Variants in CSMD3 observed in about 807,000 individuals in gnomAD.
CSMD3 encodes CUB and sushi domain-containing protein 3.
CSMD3 carries 177 observed loss-of-function variants against 435.2 expected under a neutral mutation model. That is an observed-to-expected ratio of 0.41 (90% CI 0.36 to 0.46). The LOEUF is 0.46. Among genes scored for constraint, CSMD3 ranks in the 20% least tolerant of loss-of-function variants. The pLI, the probability that CSMD3 is intolerant of heterozygous loss-of-function variation, is 0.34. For synonymous variants in CSMD3, 1,656 were observed against 1,520.5 expected, an observed-to-expected ratio of 1.09 and a Z score of -2.07; for missense variants, 4,265 against 4,504.6, an observed-to-expected ratio of 0.95 and a Z score of 1.52.
chr8:112,695,048 G>A (rs1451533591), intron 13 of CSMD3, among the ~76,000 whole-genome samples: 1 of 152,092 alleles, frequency 6.6e-6, no homozygotes, highest in African/African-American at 2.4e-5. Flanking sequence ...TCCTAGCCAA[G>A]GGAAGCTGTG....
At position 112,223,176 on chromosome 8, in the gene CSMD3, A is replaced by G; in HGVS notation, c.*1595T>C. On this transcript the variant is annotated 3_prime_UTR_variant, in exon 71 of 71. Transcript: ENST00000297405. ...TAAACAAGAATAAATAACTGATGGC[A>G]TAAAATTTAAAACTGCATCCTGCCA... 1 of 396,690 alleles carries G rather than the reference A, an allele frequency of 2.5e-6. No homozygotes were observed. Among genetic ancestry groups the G allele is most frequent in the Non-Finnish European group, 4.5e-6 (1 of 224,532 alleles). 24.6% of individuals were successfully genotyped at this position (396,690 alleles called of 1,614,324 possible).
At position 112,472,762 on chromosome 8, in the gene CSMD3, A is replaced by C. The variant is rs1223192563; in HGVS notation, c.5279-55T>G. The C allele has an allele frequency of 3.3e-6, 3 of 913,990 alleles. No individual in the cohort carries two copies. The Admixed American group carries it at 5.1e-5, about 16-fold the overall frequency. 56.6% of individuals were successfully genotyped at this position (913,990 alleles called of 1,614,324 possible). A position where few individuals can be genotyped will look rare whatever the true frequency, so the allele number is the denominator to read the frequency against. Reference sequence around the variant, plus strand: ...TAGAAAAAAGTTTTAAAAAATTCATACCATGGTTATCTTCTTCATATAAAA... The same window carrying C: ...TAGAAAAAAGTTTTAAAAAATTCATCCCATGGTTATCTTCTTCATATAAAA... On this transcript the variant is annotated intron_variant, in intron 31 of 70. Coordinates refer to ENST00000297405, the MANE Select transcript of CSMD3 (RefSeq NM_198123.2).
chr8:113,234,289 G>A (rs190625851), intron 3 of CSMD3, among the ~76,000 whole-genome samples: 3 of 151,948 alleles, frequency 2.0e-5, no homozygotes, highest in Admixed American at 1.3e-4. Context: ...CACTGGCATC[G>A]AATCTTTCCA....
At chr8:112,533,561 G>A (rs374838349) in intron 27 of CSMD3, among the ~76,000 whole-genome samples, 4 of 151,800 alleles carry the variant, frequency 2.6e-5, no homozygotes, top group Admixed American at 2.0e-4. Flanking sequence ...TTATCAAGAG[G>A]ATATAACAAT....
chr8:112,432,066 C>G (rs1813770590), intron 32 of CSMD3, among the ~76,000 whole-genome samples: 1 of 151,852 alleles, frequency 6.6e-6, no homozygotes, highest in Non-Finnish European at 1.5e-5. Flanking sequence ...CACAATCCCA[C>G]TGAATCATTT....
intron 11 of CSMD3, among the ~76,000 whole-genome samples, chr8:112,835,575 C>T (rs1044582780): frequency 3.3e-5 from 5 of 151,680 alleles, no homozygotes; most frequent in Non-Finnish European, 5.9e-5. Context: ...TCCTAGATTC[C>T]CCATTATTCA....
chr8:112,698,366 T>G (rs1190487945), intron 13 of CSMD3, among the ~76,000 whole-genome samples: 1 of 152,144 alleles, frequency 6.6e-6, no homozygotes, highest in Non-Finnish European at 1.5e-5. Flanking sequence ...TACACACATA[T>G]GTACACATAT....
At chr8:113,336,034 T>C (rs990286465) in intron 1 of CSMD3, among the ~76,000 whole-genome samples, 1 of 152,136 alleles carries the variant, frequency 6.6e-6, no homozygotes, top group Non-Finnish European at 1.5e-5. Flanking sequence ...CCTTCTCCTT[T>C]TATAATTCCA....
chr8:112,551,616 T>C (rs888733139), intron 26 of CSMD3, among the ~76,000 whole-genome samples: 1 of 152,112 alleles, frequency 6.6e-6, no homozygotes, highest in Non-Finnish European at 1.5e-5. Flanking sequence ...TTTATTACTT[T>C]CAAGTTTAAT....
intron 7 of CSMD3, among the ~76,000 whole-genome samples, chr8:112,971,591 T>C (rs1284847790): frequency 1.3e-5 from 2 of 152,170 alleles, no homozygotes; most frequent in East Asian, 3.9e-4. Flanking sequence ...TTAGCTATAA[T>C]TGTTCATTTG....
chr8:113,347,212 G>T (rs17608734), intron 1 of CSMD3, among the ~76,000 whole-genome samples: 17,153 of 152,122 alleles, frequency 0.11, 1,042 homozygotes, highest in Middle Eastern at 0.18. Context: ...TTTCATGGTT[G>T]TATTTTCCAA....
chr8:112,904,575 G>T (rs569307096), intron 10 of CSMD3, among the ~76,000 whole-genome samples: 6 of 151,430 alleles, frequency 4.0e-5, no homozygotes, highest in South Asian at 2.1e-4. Flanking sequence ...GACCTTGAAG[G>T]TGGTTATCCT....
At chr8:113,410,649 C>T (rs1196051572) in intron 1 of CSMD3, among the ~76,000 whole-genome samples, 1 of 151,624 alleles carries the variant, frequency 6.6e-6, no homozygotes, top group African/African-American at 2.4e-5. Context: ...TTTTTATACA[C>T]CTGTAATCCC....
intron 27 of CSMD3, among the ~76,000 whole-genome samples, chr8:112,543,639 T>C (rs1294678279): frequency 6.6e-6 from 1 of 152,060 alleles, no homozygotes; most frequent in Admixed American, 6.6e-5. Flanking sequence ...GAACGCAAAA[T>C]GGTGCCAGCC....
At chr8:113,140,364 T>C (rs2091518703) in intron 4 of CSMD3, among the ~76,000 whole-genome samples, 1 of 149,922 alleles carries the variant, frequency 6.7e-6, no homozygotes, top group Non-Finnish European at 1.5e-5. Flanking sequence ...AGATGGAAAA[T>C]CAATAAGAAT....
chr8:113,012,915 A>G (rs1005775051), intron 6 of CSMD3, among the ~76,000 whole-genome samples: 3 of 152,056 alleles, frequency 2.0e-5, no homozygotes, highest in Non-Finnish European at 4.4e-5. Context: ...GAGTTATAAC[A>G]TTAGAGTAGG....
Position 112,336,717 on chromosome 8 carries a change from C to T in CSMD3, c.6954G>A (p.Gly2318=), listed in dbSNP as rs2130957515. The T allele has an allele frequency of 6.2e-7, 1 of 1,613,298 alleles. No individual in the cohort carries two copies. ...DCFWLVRVPP[G]NGIYINFTVL... ...CAGTAAAATTGATGTAGATGCCATTCCCAGGGGGTACTCTTACAAGCCAAA... is the reference window on the plus strand; with the variant it reads ...CAGTAAAATTGATGTAGATGCCATTTCCAGGGGGTACTCTTACAAGCCAAA... Residue 2318 remains glycine, a synonymous_variant, in exon 44 of 71, where the codon GGG becomes GGA. Transcript: ENST00000297405.
At chr8:112,762,442 T>C (rs2077863154) in intron 13 of CSMD3, among the ~76,000 whole-genome samples, 1 of 151,958 alleles carries the variant, frequency 6.6e-6, no homozygotes, top group African/African-American at 2.4e-5. Context: ...TTTAAATAGT[T>C]TAAGCTAGGC....
At chr8:112,595,843 C>T (rs1372410875) in intron 22 of CSMD3, among the ~76,000 whole-genome samples, 1 of 100,654 alleles carries the variant, frequency 9.9e-6, no homozygotes, top group African/African-American at 4.7e-5. Context: ...CCAGGCCTGC[C>T]CTAAAAGAGC....
Sources: allele counts gnomAD v4.1 joint callset (sites outside exome capture counted in the v4.1 genomes callset), GRCh38; gene constraint gnomAD v4.1.1; transcripts MANE v1.5; gene names NCBI Gene and HGNC (gene_info 2026-07-23, HGNC 2026-07-21).